NRG1: variants seen among roughly 807,000 people sequenced by gnomAD.
The protein encoded by NRG1 is neuregulin 1, also known as pro-neuregulin-1, membrane-bound isoform.
A neutral mutation model predicts 63.8 loss-of-function variants in NRG1; 18 were observed. That is an observed-to-expected ratio of 0.28 (90% CI 0.19 to 0.42). The LOEUF (loss-of-function observed/expected upper bound fraction) is 0.42, where lower values mean the gene tolerates loss of function less well. Among genes scored for constraint, NRG1 ranks in the 10% least tolerant of loss-of-function variants. The probability of loss-of-function intolerance (pLI) is 1.00; values close to 1 mark genes in which losing one functional copy is unlikely to be tolerated. For synonymous variants in NRG1, 302 were observed against 301.3 expected (o/e 1.00, Z -0.02); for missense variants, 762 against 814.7 (o/e 0.94, Z 0.79).
chr8:32,546,538 G>C (rs1311377277), upstream of NRG1, among the ~76,000 whole-genome samples: 1 of 152,124 alleles, frequency 6.6e-6, no homozygotes, highest in Non-Finnish European at 1.5e-5. Context: ...GGAAAACAGA[G>C]TTATTTCAGC....
intron 1 of NRG1, among the ~76,000 whole-genome samples, chr8:31,880,616 A>G (rs116564480): frequency 6.9e-4 from 105 of 152,336 alleles, no homozygotes; most frequent in African/African-American, 2.4e-3. Flanking sequence ...ACAGACTATT[A>G]CAAATTACAT....
At chr8:32,500,462 G>T (rs1478097619) in intron 1 of NRG1, among the ~76,000 whole-genome samples, 1 of 152,174 alleles carries the variant, frequency 6.6e-6, no homozygotes, top group African/African-American at 2.4e-5. Flanking sequence ...AAGCGTTGGT[G>T]CCATATAGTC....
At chr8:32,388,290 T>C (rs1459982782) in intron 1 of NRG1, among the ~76,000 whole-genome samples, 1 of 152,218 alleles carries the variant, frequency 6.6e-6, no homozygotes, top group African/African-American at 2.4e-5. Context: ...ATTAGATTAT[T>C]GGACAAAGAT....
At chr8:31,853,327 A>G (rs1221444495) in intron 1 of NRG1, among the ~76,000 whole-genome samples, 3 of 151,012 alleles carry the variant, frequency 2.0e-5, no homozygotes, top group African/African-American at 7.3e-5. Flanking sequence ...GGTCCTTCAC[A>G]TCCCTTGTAA....
rs116079434 is a variant in NRG1, at chr8:31,872,822, C to T, written c.37+233391C>T. On this transcript the variant is annotated intron_variant, in intron 1 of 10. Transcript: ENST00000519301. ...ATGACAAATAATGAAGCATAGTTAA[C>T]ACTTCTCATTGGTTGTGAATTTTCA... is the stretch of plus-strand genomic sequence containing the variant. Among the ~76,000 whole-genome samples, 592 of 152,290 alleles carry T rather than the reference C, an allele frequency of 3.9e-3. 6 individuals are homozygous for T. The highest frequency in any genetic ancestry group is 0.013 in the African/African-American group (561 of 41,562).
intron 1 of NRG1, among the ~76,000 whole-genome samples, chr8:32,230,072 T>C (rs960219100): frequency 1.3e-5 from 2 of 152,150 alleles, no homozygotes; most frequent in Admixed American, 6.5e-5. Flanking sequence ...GAGGAATATA[T>C]TATTGTTAGT....
At chr8:32,161,607 G>A in intron 1 of NRG1, among the ~76,000 whole-genome samples, 1 of 151,634 alleles carries the variant, frequency 6.6e-6, no homozygotes, top group East Asian at 1.9e-4. Context: ...GCCAAACCAT[G>A]CTAACTCTAG....
At chr8:32,393,864 A>T (rs1235285827) in intron 1 of NRG1, among the ~76,000 whole-genome samples, 1 of 152,172 alleles carries the variant, frequency 6.6e-6, no homozygotes, top group South Asian at 2.1e-4. Context: ...AAACCTGCAC[A>T]TGTACCCATG....
intron 1 of NRG1, among the ~76,000 whole-genome samples, chr8:32,125,813 CAT>C (rs1355736497): frequency 6.6e-6 from 1 of 151,998 alleles, no homozygotes; most frequent in Non-Finnish European, 1.5e-5. Context: ...ATCTTCCTGA[CAT>C]GTGATTGTAT....
At chr8:32,071,924 C>A (rs184772706) in intron 1 of NRG1, among the ~76,000 whole-genome samples, 1 of 152,206 alleles carries the variant, frequency 6.6e-6, no homozygotes, top group East Asian at 1.9e-4. Flanking sequence ...TAGAAAAACA[C>A]AAGGCAGTTA....
intron 1 of NRG1, among the ~76,000 whole-genome samples, chr8:32,193,155 T>C (rs1334008740): frequency 6.6e-6 from 1 of 152,168 alleles, no homozygotes; most frequent in African/African-American, 2.4e-5. Flanking sequence ...GGACTAGTCA[T>C]TTGAGGTACT....
intron 1 of NRG1, among the ~76,000 whole-genome samples, chr8:31,866,801 T>C (rs1048079489): frequency 6.6e-6 from 1 of 152,142 alleles, no homozygotes; most frequent in African/African-American, 2.4e-5. Context: ...ATTAGCCTAT[T>C]CCATTGTTTA....
In NRG1 at chr8:32,451,473, G is replaced by A. The variant is rs376839696; in HGVS notation, c.38-144355G>A. 6.6e-5 allele frequency among the ~76,000 whole-genome samples: 10 copies of A among 152,258 alleles called. No individual in the cohort carries two copies. In the South Asian group the frequency reaches 1.7e-3, roughly 25 times the overall value. Reference sequence around the variant, plus strand: ...GGAGATGCCCTTTTTCCCCGGGGAGGGGGATTCTTCCCTCTCTCTTCAGTA... The same window carrying A: ...GGAGATGCCCTTTTTCCCCGGGGAGAGGGATTCTTCCCTCTCTCTTCAGTA... On this transcript the variant is annotated intron_variant, in intron 1 of 10. Transcript: ENST00000519301.
At chr8:31,918,917 TGGTTTAGTCTTG>T in intron 1 of NRG1, among the ~76,000 whole-genome samples, 1 of 152,314 alleles carries the variant, frequency 6.6e-6, no homozygotes, top group Admixed American at 6.5e-5. Context: ...AACTTCCTCC[TGGTTTAGTCTTG>T]GGAGAGTGTA....
intron 1 of NRG1, among the ~76,000 whole-genome samples, chr8:31,733,173 G>A (rs954676076): frequency 5.3e-5 from 8 of 149,792 alleles, no homozygotes; most frequent in African/African-American, 2.0e-4. Flanking sequence ...TGGCTGAATA[G>A]CATTCCATTG....
intron 1 of NRG1, among the ~76,000 whole-genome samples, chr8:31,952,866 A>T (rs1803698425): frequency 6.6e-6 from 1 of 152,250 alleles, no homozygotes; most frequent in African/African-American, 2.4e-5. Flanking sequence ...GTTGATTCAT[A>T]AAGTCATGAG....
chr8:31,985,059 C>T (rs947676183), intron 1 of NRG1, among the ~76,000 whole-genome samples: 3 of 152,094 alleles, frequency 2.0e-5, no homozygotes, highest in African/African-American at 7.2e-5. Flanking sequence ...ATCTCAATTG[C>T]TATAGAGAGA....
At chr8:31,811,389 C>T (rs925641643) in intron 1 of NRG1, among the ~76,000 whole-genome samples, 2 of 152,168 alleles carry the variant, frequency 1.3e-5, no homozygotes, top group African/African-American at 4.8e-5. Context: ...CTACTTTCAA[C>T]CTTCAAGGAC....
chr8:32,503,276 G>C (rs1419864136), intron 1 of NRG1, among the ~76,000 whole-genome samples: 1 of 110,250 alleles, frequency 9.1e-6, no homozygotes, highest in Non-Finnish European at 1.7e-5. Context: ...TACAGAGCGA[G>C]ACTCTGTCTC....
Sources: gnomAD v4.1 joint callset for allele counts (sites outside exome capture counted in the v4.1 genomes callset) on GRCh38, gnomAD v4.1.1 for gene constraint, MANE v1.5 for transcripts, NCBI Gene and HGNC (gene_info 2026-07-23, HGNC 2026-07-21) for gene names.